USP34: variants seen among roughly 807,000 people sequenced by gnomAD.
USP34 encodes the protein ubiquitin carboxyl-terminal hydrolase 34.
USP34 carries 70 observed loss-of-function variants against 460.3 expected under a neutral mutation model. The ratio of observed to expected loss-of-function variants is 0.15; its 90% confidence interval spans 0.13 to 0.19. The LOEUF (loss-of-function observed/expected upper bound fraction) is 0.19. Among genes scored for constraint, USP34 ranks in the 10% least tolerant of loss-of-function variants. The pLI is 1.00. For missense variants in USP34, 3,985 were observed against 4,236.2 expected, an observed-to-expected ratio of 0.94 and a Z score of 1.65; for synonymous variants, 1,647 against 1,405.3, an observed-to-expected ratio of 1.17 and a Z score of -3.85.
chr2:61,275,184 T>A (rs1689334624), intron 41 of USP34, among the ~76,000 whole-genome samples: 1 of 151,698 alleles, frequency 6.6e-6, no homozygotes, highest in Non-Finnish European at 1.5e-5. Flanking sequence ...GAGGCTGAGG[T>A]GGGAGGACTG....
intron 48 of USP34, among the ~76,000 whole-genome samples, chr2:61,251,845 T>A (rs1688591345): frequency 6.6e-6 from 1 of 152,172 alleles, no homozygotes; most frequent in African/African-American, 2.4e-5. Context: ...GGACATTTTT[T>A]TCTTTCTACA....
rs977286303 is a variant in USP34, at chr2:61,354,657, G to C, written c.1252-3964C>G. Among the ~76,000 whole-genome samples the C allele has an allele frequency of 2.0e-5, 3 of 152,158 alleles. No homozygotes were observed. The South Asian group carries it at 6.2e-4, about 31-fold the overall frequency. The stretch of plus-strand genomic sequence containing the variant: ...GGCCTCAGCTAGCCTGAGCCGAAAA[G>C]AGTAGCTTTTTTTCACAGCCAGCCA... On this transcript the variant is annotated intron_variant, in intron 10 of 79. Transcript: ENST00000398571.
rs370497893 is a variant in USP34, at chr2:61,395,569, C to T, written c.553-336G>A. 2.8e-4 allele frequency among the ~76,000 whole-genome samples: 41 copies of T among 147,516 alleles called. No individual in the cohort carries two copies. The East Asian group carries it at 6.4e-3, about 23-fold the overall frequency. ...ATCCCAGCACTTTGGGAGGCCGAGG[C>T]GGGCGGATCACGAGGTCAGGAGATC... On this transcript the variant is annotated intron_variant, in intron 3 of 79. Coordinates refer to ENST00000398571, the MANE Select transcript of USP34 (RefSeq NM_014709.4).
chr2:61,332,081 A>G (rs1691284047), intron 19 of USP34, among the ~76,000 whole-genome samples: 1 of 152,088 alleles, frequency 6.6e-6, no homozygotes, highest in African/African-American at 2.4e-5. Flanking sequence ...GTCAAGTGGT[A>G]GAAAGAAAAA....
intron 1 of USP34, among the ~76,000 whole-genome samples, chr2:61,421,867 A>T (rs536195094): frequency 2.2e-4 from 34 of 152,166 alleles, no homozygotes; most frequent in Non-Finnish European, 3.2e-4. Context: ...ACACTTCCTC[A>T]ACTCAGCTCC....
At chr2:61,311,212 A>C (rs1240552341) in intron 27 of USP34, among the ~76,000 whole-genome samples, 1 of 152,158 alleles carries the variant, frequency 6.6e-6, no homozygotes, top group Non-Finnish European at 1.5e-5. Context: ...TGCCATTATA[A>C]AAGGGTCTGA....
intron 16 of USP34, among the ~76,000 whole-genome samples, chr2:61,343,464 TTTATC>T (rs1319313276): frequency 3.9e-5 from 6 of 152,216 alleles, no homozygotes; most frequent in African/African-American, 1.4e-4. Context: ...ATCATACAAT[TTTATC>T]TTTTGTGATT....
chr2:61,306,157 A>G (rs1042519037), intron 27 of USP34, among the ~76,000 whole-genome samples: 2 of 152,162 alleles, frequency 1.3e-5, no homozygotes, highest in Admixed American at 6.5e-5. Flanking sequence ...GCCCATGCCT[A>G]TGTCCTGAAT....
rs576960167 is a variant in USP34, at chr2:61,287,363, C to T, written c.4749+1314G>A. ...CACTCCCTACCTCCCGACTCACTGACGGAGATGTTGGAAAGGCAAATATTT... is the reference window on the plus strand; with the variant it reads ...CACTCCCTACCTCCCGACTCACTGATGGAGATGTTGGAAAGGCAAATATTT... On this transcript the variant is annotated intron_variant, in intron 34 of 79. Coordinates refer to ENST00000398571, the MANE Select transcript of USP34 (RefSeq NM_014709.4). 6.6e-5 allele frequency among the ~76,000 whole-genome samples: 10 copies of T among 152,282 alleles called. 1 individual carries two copies. The highest frequency in any genetic ancestry group is 3.4e-3 in the Middle Eastern group (1 of 294).
chr2:61,453,247 C>T (rs1695337669), intron 1 of USP34, among the ~76,000 whole-genome samples: 1 of 151,922 alleles, frequency 6.6e-6, no homozygotes, highest in African/African-American at 2.4e-5. Flanking sequence ...CCCATCTGTA[C>T]TAAAAATACC....
chr2:61,242,459 AC>A (rs1349245887), intron 51 of USP34, among the ~76,000 whole-genome samples: 4 of 5,468 alleles, frequency 7.3e-4, no homozygotes, highest in African/African-American at 2.7e-3. Flanking sequence ...GATAATACAT[AC>A]ACACACACAC....
At chr2:61,254,222 T>C (rs1688661812) in intron 48 of USP34, among the ~76,000 whole-genome samples, 1 of 152,242 alleles carries the variant, frequency 6.6e-6, no homozygotes, top group African/African-American at 2.4e-5. Flanking sequence ...CTTCTTGAGA[T>C]TCTCCTCCCA....
At position 61,187,669 on chromosome 2, in the gene USP34, G is replaced by C. The variant is rs561466742; in HGVS notation, c.*433C>G. The stretch of plus-strand genomic sequence containing the variant: ...GAATCAAATTTCTTGTGGTTGTTCC[G>C]TATACAAGTAAACTTAATTTTGATA... On this transcript the variant is annotated 3_prime_UTR_variant, in exon 80 of 80. Transcript: ENST00000398571. 1.8e-6 allele frequency: 1 copy of C among 555,104 alleles called. No homozygotes were observed. The highest frequency in any genetic ancestry group is 2.1e-5 in the African/African-American group (1 of 48,434). The allele number at this position is 555,104 out of a possible 1,614,324, so 34.4% of individuals were successfully genotyped here. A position where few individuals can be genotyped will look rare whatever the true frequency, so the allele number is the denominator to read the frequency against.
At position 61,188,477 on chromosome 2, in the gene USP34, C is replaced by T. The variant is rs746923658; in HGVS notation, c.10266G>A (p.Ser3422=). The part of the protein sequence containing the change: ...VKEYRMEVPS[S]FSEDMSNIRS... ...TGATATTTGACATGTCTTCTGAAAA[C>T]GAAGATGGAACTTCCATTCGGTATT... The change falls in exon 80 of 80, where the codon TCG becomes TCA. Residue 3422 remains serine (S), a synonymous_variant. Coordinates refer to ENST00000398571, the MANE Select transcript of USP34 (RefSeq NM_014709.4). 33 of 1,614,070 alleles carry T rather than the reference C, an allele frequency of 2.0e-5. No individual in the cohort carries two copies. Among genetic ancestry groups the T allele is most frequent in the Non-Finnish European group, 2.8e-5 (33 of 1,180,052 alleles).
intron 3 of USP34, 83 bp downstream of exon 3, chr2:61,405,625 T>C (rs1693848663): frequency 1.6e-6 from 2 of 1,228,892 alleles, no homozygotes; most frequent in Non-Finnish European, 2.2e-6. Flanking sequence ...AGCAGAAAAC[T>C]GTCTTCATAT....
intron 23 of USP34, among the ~76,000 whole-genome samples, chr2:61,316,455 C>CAA: frequency 6.6e-6 from 1 of 151,490 alleles, no homozygotes; most frequent in Non-Finnish European, 1.5e-5. Flanking sequence ...CGTGGTGGTG[C>CAA]ATGCCTGTTG....
intron 57 of USP34, among the ~76,000 whole-genome samples, chr2:61,232,844 A>T (rs1687947853): frequency 1.2e-5 from 1 of 82,422 alleles, no homozygotes; most frequent in Non-Finnish European, 2.2e-5. Context: ...CTTATTAATT[A>T]TATATATATA....
intron 20 of USP34, among the ~76,000 whole-genome samples, chr2:61,326,777 ATTTTT>A (rs35060068): frequency 3.9e-5 from 4 of 103,020 alleles, no homozygotes; most frequent in African/African-American, 3.7e-5. Context: ...GTCAATGGGC[ATTTTT>A]TTTTTTTTTT....
chr2:61,301,210 T>C lies in USP34; in HGVS notation c.3919-50A>G, dbSNP rs138991501. ...TATGCATATCAAGCTTTTAGTTTAA[T>C]AAAACGGTAAATCTGAAGTATAGAA... On this transcript the variant is annotated intron_variant, in intron 28 of 79. Coordinates refer to ENST00000398571, the MANE Select transcript of USP34 (RefSeq NM_014709.4). 143 of 1,551,876 alleles carry C rather than the reference T, an allele frequency of 9.2e-5. No homozygotes were observed. In the African/African-American group the frequency reaches 1.7e-3, roughly 19 times the overall value.
Sources: allele counts gnomAD v4.1 joint callset (sites outside exome capture counted in the v4.1 genomes callset), GRCh38; gene constraint gnomAD v4.1.1; transcripts MANE v1.5; gene names NCBI Gene and HGNC (gene_info 2026-07-23, HGNC 2026-07-21).